Variants in PPDPFL observed in about 807,000 individuals in gnomAD.
PPDPFL encodes pancreatic progenitor cell differentiation and proliferation factor-like protein.
Under a neutral mutation model 12.6 loss-of-function variants are expected in PPDPFL, and 12 were observed. The observed-to-expected ratio is 0.95, with a 90% CI of 0.61 to 1.54. PPDPFL has a LOEUF of 1.54. PPDPFL is among the 40% of genes most tolerant of loss of function. PPDPFL has a pLI of 0.00. For synonymous variants in PPDPFL, 24 were observed against 32.7 expected, an observed-to-expected ratio of 0.73 and a Z score of 0.91; for missense variants, 114 against 96.0, an observed-to-expected ratio of 1.19 and a Z score of -0.78.
chr8:49,071,329 C>G (rs1334369927), upstream of PPDPFL, among the ~76,000 whole-genome samples: 1 of 152,196 alleles, frequency 6.6e-6, no homozygotes, highest in African/African-American at 2.4e-5. Context: ...GTAAAGGGAG[C>G]CACAATTTGA....
intron 1 of PPDPFL, among the ~76,000 whole-genome samples, chr8:49,063,140 A>T (rs932055737): frequency 5.9e-5 from 9 of 152,240 alleles, no homozygotes; most frequent in African/African-American, 2.2e-4. Flanking sequence ...CGGTATGTAT[A>T]GGAGCCCTGA....
intron 1 of PPDPFL, among the ~76,000 whole-genome samples, chr8:49,059,571 C>CA (rs1166313497): frequency 6.6e-6 from 1 of 152,118 alleles, no homozygotes; most frequent in Non-Finnish European, 1.5e-5. Flanking sequence ...AGATGGCAAG[C>CA]AAAACTATTG....
rs1808488935 is a variant in PPDPFL at position 49,075,770 on chromosome 8, T to G, written c.*597T>G. On this transcript the variant is annotated 3_prime_UTR_variant, in exon 5 of 5. Transcript: ENST00000522267. Reference sequence around the variant, plus strand: ...ATAGCATATGTATCATTAAGTATATTAGAGCTAATCAATTGGTCATTGTAT... The same window carrying G: ...ATAGCATATGTATCATTAAGTATATGAGAGCTAATCAATTGGTCATTGTAT... 6.2e-6 allele frequency: 1 copy of G among 160,786 alleles called. No individual in the cohort carries two copies. Among genetic ancestry groups the G allele is most frequent in the East Asian group, 1.8e-4 (1 of 5,662 alleles). The allele number at this position is 160,786 out of a possible 1,614,324, so 10.0% of individuals were successfully genotyped here.
upstream of PPDPFL, among the ~76,000 whole-genome samples, chr8:49,071,980 T>G (rs1585675488): frequency 1.3e-5 from 2 of 152,330 alleles, no homozygotes; most frequent in Admixed American, 6.5e-5. Context: ...CCCAGCCAGA[T>G]AGCAGGCTGC....
chr8:49,075,788 C>G lies in PPDPFL; in HGVS notation c.*615C>G, dbSNP rs1254186234. 1 of 155,540 alleles carries G rather than the reference C, an allele frequency of 6.4e-6. No homozygotes were observed. Among genetic ancestry groups the G allele is most frequent in the Non-Finnish European group, 1.4e-5 (1 of 70,192 alleles). 9.6% of individuals were successfully genotyped at this position (155,540 alleles called of 1,614,324 possible). Reference sequence around the variant, plus strand: ...AGTATATTAGAGCTAATCAATTGGTCATTGTATAGACTTTAAAATTTATGA... The same window carrying G: ...AGTATATTAGAGCTAATCAATTGGTGATTGTATAGACTTTAAAATTTATGA... On this transcript the variant is annotated 3_prime_UTR_variant, in exon 5 of 5. Transcript: ENST00000522267.
At chr8:49,067,230 T>G (rs1808313794) in intron 1 of PPDPFL, among the ~76,000 whole-genome samples, 1 of 152,232 alleles carries the variant, frequency 6.6e-6, no homozygotes, top group African/African-American at 2.4e-5. Context: ...ATAACTAGTT[T>G]TTGGCAACCT....
At chr8:49,063,226 A>G (rs1339277325) in intron 1 of PPDPFL, among the ~76,000 whole-genome samples, 3 of 152,170 alleles carry the variant, frequency 2.0e-5, no homozygotes, top group Admixed American at 2.0e-4. Flanking sequence ...TAAAATTCAC[A>G]TGGGCACAAT....
chr8:49,060,448 G>T (rs950552431), intron 1 of PPDPFL, among the ~76,000 whole-genome samples: 2 of 152,014 alleles, frequency 1.3e-5, no homozygotes, highest in Middle Eastern at 3.2e-3. Flanking sequence ...CGAGTAGCTG[G>T]GATTACAGGC....
chr8:49,059,037 C>A (rs569015278), intron 1 of PPDPFL, among the ~76,000 whole-genome samples: 1 of 152,286 alleles, frequency 6.6e-6, no homozygotes, highest in Middle Eastern at 3.4e-3. Context: ...TTCTGGCTGG[C>A]TTTCTTAGAT....
At chr8:49,068,508 T>C (rs1808333337), upstream of PPDPFL, among the ~76,000 whole-genome samples, 1 of 152,192 alleles carries the variant, frequency 6.6e-6, no homozygotes, top group Admixed American at 6.5e-5. Context: ...GCTAATTTCA[T>C]AGAGGGTTTC....
chr8:49,057,146 A>G (rs987362347), intron 1 of PPDPFL, among the ~76,000 whole-genome samples: 2 of 152,218 alleles, frequency 1.3e-5, no homozygotes, highest in Non-Finnish European at 2.9e-5. Flanking sequence ...ATGACAGGCT[A>G]AAAAAGCCTT....
chr8:49,071,261 A>G (rs1036979114), upstream of PPDPFL, among the ~76,000 whole-genome samples: 2 of 152,270 alleles, frequency 1.3e-5, no homozygotes, highest in African/African-American at 4.8e-5. Context: ...TGTTAGGAAT[A>G]CACAACCAAT....
At chr8:49,065,262 T>C (rs1808277062) in intron 1 of PPDPFL, among the ~76,000 whole-genome samples, 1 of 152,202 alleles carries the variant, frequency 6.6e-6, no homozygotes, top group Admixed American at 6.5e-5. Flanking sequence ...TGAGTTAACA[T>C]TGAGGCTGAG....
intron 1 of PPDPFL, among the ~76,000 whole-genome samples, chr8:49,065,030 C>G (rs1808272766): frequency 6.6e-6 from 1 of 152,068 alleles, no homozygotes; most frequent in Non-Finnish European, 1.5e-5. Context: ...AGTAATTATC[C>G]AACTCACTGG....
upstream of PPDPFL, among the ~76,000 whole-genome samples, chr8:49,067,619 T>C (rs1394682284): frequency 6.6e-6 from 1 of 152,252 alleles, no homozygotes; most frequent in South Asian, 2.1e-4. Flanking sequence ...AGCAATCTGA[T>C]ATCTATTTAC....
At chr8:49,067,306 T>C (rs1298723924) in intron 1 of PPDPFL, among the ~76,000 whole-genome samples, 1 of 152,224 alleles carries the variant, frequency 6.6e-6, no homozygotes, top group Non-Finnish European at 1.5e-5. Flanking sequence ...ATAGAGTACA[T>C]GCTACACATA....
At chr8:49,070,762 T>C (rs1165995732), upstream of PPDPFL, among the ~76,000 whole-genome samples, 2 of 152,208 alleles carry the variant, frequency 1.3e-5, no homozygotes, top group African/African-American at 4.8e-5. Flanking sequence ...ATTTAAGATG[T>C]ACAACATGAT....
chr8:49,056,129 A>G (rs1486063279), intron 1 of PPDPFL, among the ~76,000 whole-genome samples: 1 of 152,080 alleles, frequency 6.6e-6, no homozygotes, highest in Non-Finnish European at 1.5e-5. Flanking sequence ...AACCCAATCC[A>G]TATCCCTACT....
upstream of PPDPFL, among the ~76,000 whole-genome samples, chr8:49,068,556 G>A (rs984883774): frequency 5.3e-5 from 8 of 152,254 alleles, no homozygotes; most frequent in African/African-American, 1.9e-4. Context: ...AAGAAGGTCA[G>A]AGAAACAAAT....
Sources: gnomAD v4.1 joint callset for allele counts (sites outside exome capture counted in the v4.1 genomes callset) on GRCh38, gnomAD v4.1.1 for gene constraint, MANE v1.5 for transcripts, NCBI Gene and HGNC (gene_info 2026-07-23, HGNC 2026-07-21) for gene names.